TM2D1: variants seen among roughly 807,000 people sequenced by gnomAD.
TM2D1 encodes TM2 domain-containing protein 1.
In TM2D1, 15 loss-of-function variants were observed where a neutral mutation model predicts 28.4. The observed-to-expected ratio is 0.53, with a 90% CI of 0.35 to 0.81. TM2D1 has a LOEUF of 0.81. Ranked by LOEUF, TM2D1 falls within the 40% of genes least tolerant of loss-of-function variation. The pLI is 0.01. For missense variants in TM2D1, 236 were observed against 254.9 expected (o/e 0.93, Z 0.50); for synonymous variants, 93 against 96.2 (o/e 0.97, Z 0.20).
chr1:61,687,183 A>G (rs148963638), intron 5 of TM2D1, among the ~76,000 whole-genome samples: 1 of 152,318 alleles, frequency 6.6e-6, no homozygotes, highest in African/African-American at 2.4e-5. Flanking sequence ...TCTATTTGTA[A>G]AAACAAAAAT....
intron 3 of TM2D1, among the ~76,000 whole-genome samples, chr1:61,707,608 T>C (rs79148272): frequency 0.031 from 4,789 of 152,306 alleles, 89 homozygotes; most frequent in Non-Finnish European, 0.051. Context: ...TCTAAGTACA[T>C]TGCAAACTAT....
intron 2 of TM2D1, among the ~76,000 whole-genome samples, chr1:61,710,529 CAT>C (rs1026017322): frequency 8.3e-5 from 11 of 132,638 alleles, no homozygotes; most frequent in Admixed American, 3.2e-4. Context: ...CACACACACA[CAT>C]ATACGACTAC....
chr1:61,696,223 C>A (rs576236505), intron 4 of TM2D1: 8 of 152,290 alleles, frequency 5.3e-5, no homozygotes, highest in Admixed American at 2.0e-4. Context: ...GTCATAGTTT[C>A]TTTTTCTTCA....
chr1:61,688,395 A>T (rs962283608), intron 5 of TM2D1, among the ~76,000 whole-genome samples: 1 of 152,172 alleles, frequency 6.6e-6, no homozygotes, highest in African/African-American at 2.4e-5. Context: ...TTAAATAATG[A>T]TACAGGGAGC....
intron 2 of TM2D1, among the ~76,000 whole-genome samples, chr1:61,710,985 G>C (rs1644474351): frequency 6.6e-6 from 1 of 152,094 alleles, no homozygotes; most frequent in African/African-American, 2.4e-5. Context: ...AAAACAAGGT[G>C]GTGTTTATAA....
chr1:61,725,127 G>C lies in TM2D1; in HGVS notation c.-7C>G, dbSNP rs777209794. ...ACGGCCAGGCGGCCGCCATCTTGGA[G>C]ACCGACACTTTCTCGCCACTTCCGC... On this transcript the variant is annotated 5_prime_UTR_variant, in exon 1 of 7. Coordinates refer to ENST00000606498, the MANE Select transcript of TM2D1 (RefSeq NM_032027.3). The C allele has an allele frequency of 1.9e-6, 3 of 1,613,516 alleles. No homozygotes were observed. Among genetic ancestry groups the C allele is most frequent in the Admixed American group, 3.3e-5 (2 of 60,022 alleles).
rs1644392234 is a variant in TM2D1, at chr1:61,700,296, G to C, written c.439+638C>G. The C allele has an allele frequency of 2.8e-6, 4 of 1,453,028 alleles. No individual in the cohort carries two copies. The East Asian group carries it at 1.1e-4, about 40-fold the overall frequency. The allele number at this position is 1,453,028 out of a possible 1,614,324, so 90.0% of individuals were successfully genotyped here. On this transcript the variant is annotated intron_variant, in intron 4 of 6. Coordinates refer to ENST00000606498, the MANE Select transcript of TM2D1 (RefSeq NM_032027.3). ...TTACCTGTTAAAGAGGATTTAAAGA[G>C]GATGATAAACTCAGAGGGTTGTAAG...
intron 2 of TM2D1, among the ~76,000 whole-genome samples, chr1:61,716,958 C>G (rs7528630): frequency 0.041 from 6,303 of 152,108 alleles, 446 homozygotes; most frequent in African/African-American, 0.14. Flanking sequence ...ACTCATTACC[C>G]TTAATCAATA....
At chr1:61,690,615 G>A (rs558598454) in intron 5 of TM2D1, among the ~76,000 whole-genome samples, 1 of 152,042 alleles carries the variant, frequency 6.6e-6, no homozygotes, top group East Asian at 1.9e-4. Flanking sequence ...GCTTGCACTA[G>A]GCACAAAGCC....
At chr1:61,691,948 T>A (rs1477054515) in intron 5 of TM2D1, among the ~76,000 whole-genome samples, 6 of 130,288 alleles carry the variant, frequency 4.6e-5, no homozygotes, top group East Asian at 5.4e-4. Context: ...TATATATATA[T>A]ATATATATAT....
At chr1:61,716,608 A>C (rs746741601) in intron 2 of TM2D1, among the ~76,000 whole-genome samples, 8 of 147,794 alleles carry the variant, frequency 5.4e-5, no homozygotes, top group South Asian at 2.1e-4. Flanking sequence ...CACACACACA[A>C]AAAGAGAGTT....
chr1:61,686,175 G>A (rs1445648717), intron 5 of TM2D1, among the ~76,000 whole-genome samples: 4 of 152,100 alleles, frequency 2.6e-5, no homozygotes, highest in African/African-American at 9.7e-5. Context: ...AAGCTGATCT[G>A]TACAGTATTT....
intron 1 of TM2D1, 69 bp downstream of exon 1, chr1:61,724,888 C>G (rs1644593742): frequency 2.7e-6 from 4 of 1,487,578 alleles, no homozygotes; most frequent in Non-Finnish European, 3.6e-6. Flanking sequence ...CCAGTCCTGA[C>G]GGCAGCGACC....
At chr1:61,693,826 G>A (rs770493650) in intron 5 of TM2D1, among the ~76,000 whole-genome samples, 2 of 152,272 alleles carry the variant, frequency 1.3e-5, no homozygotes, top group South Asian at 2.1e-4. Context: ...TGCTAAAGAC[G>A]TTAGGTGCTC....
intron 2 of TM2D1, among the ~76,000 whole-genome samples, chr1:61,714,118 A>G (rs1570123635): frequency 2.1e-5 from 3 of 144,590 alleles, no homozygotes. Context: ...GATGGTCTCG[A>G]TCTCCTGACC....
intron 1 of TM2D1, 60 bp downstream of exon 1, chr1:61,724,897 C>A: frequency 6.6e-7 from 1 of 1,512,824 alleles, no homozygotes; most frequent in Non-Finnish European, 8.9e-7. Context: ...ACGGCAGCGA[C>A]CCACCTGCGA....
chr1:61,709,097 A>G (rs765222045), intron 3 of TM2D1, among the ~76,000 whole-genome samples: 24 of 152,134 alleles, frequency 1.6e-4, no homozygotes, highest in South Asian at 6.2e-4. Context: ...CCTGGGAGGC[A>G]GAGGCTGAAG....
chr1:61,706,100 G>C (rs1438951964), intron 3 of TM2D1, among the ~76,000 whole-genome samples: 1 of 152,090 alleles, frequency 6.6e-6, no homozygotes, highest in African/African-American at 2.4e-5. Context: ...CTAATATCTC[G>C]ATAAAGCAAA....
chr1:61,721,978 A>C (rs867518176), intron 2 of TM2D1, among the ~76,000 whole-genome samples: 13 of 144,714 alleles, frequency 9.0e-5, no homozygotes, highest in Middle Eastern at 3.3e-3. Context: ...AAAAAAAAAA[A>C]GTCAGGGAGC....
Sources: allele counts gnomAD v4.1 joint callset (sites outside exome capture counted in the v4.1 genomes callset), GRCh38; gene constraint gnomAD v4.1.1; transcripts MANE v1.5; gene names NCBI Gene and HGNC (gene_info 2026-07-23, HGNC 2026-07-21).